Variants in KIF1A observed in about 807,000 individuals in gnomAD.
The protein encoded by KIF1A is kinesin family member 1A, also known as kinesin-like protein KIF1A.
KIF1A carries 46 observed loss-of-function variants against 227.3 expected under a neutral mutation model. The observed-to-expected ratio is 0.20, with a 90% CI of 0.16 to 0.26. The LOEUF is 0.26. KIF1A is among the 10% of genes least tolerant of loss of function. The probability of loss-of-function intolerance (pLI) is 1.00; values close to 1 mark genes in which losing one functional copy is unlikely to be tolerated. For missense variants in KIF1A, 1,683 were observed against 2,485.9 expected, an observed-to-expected ratio of 0.68 and a Z score of 6.87; for synonymous variants, 1,022 against 1,012.8, an observed-to-expected ratio of 1.01 and a Z score of -0.17.
chr2:240,796,457 T>A (rs2056413772), intron 2 of KIF1A, among the ~76,000 whole-genome samples: 1 of 152,100 alleles, frequency 6.6e-6, no homozygotes, highest in African/African-American at 2.4e-5. Flanking sequence ...CGAACGCACC[T>A]TTGTCAGCTT....
rs975700815 is a variant in KIF1A at position 240,815,214 on chromosome 2, C to A, written c.-61+4908G>T. ...CACAGCAGCTCCTCAGGAGCCACAC[C>A]GACCCATGACCTTGAGCATTGACTG... is the stretch of plus-strand genomic sequence containing the variant. On this transcript the variant is annotated intron_variant, in intron 1 of 48. Coordinates refer to ENST00000498729, the MANE Select transcript of KIF1A (RefSeq NM_001244008.2). Among the ~76,000 whole-genome samples the A allele has an allele frequency of 4.8e-4, 73 of 152,154 alleles. 1 individual carries two copies. Among genetic ancestry groups the A allele is most frequent in the Admixed American group, 4.8e-3 (73 of 15,282 alleles).
intron 40 of KIF1A, chr2:240,724,943 G>GGC (rs2045832020): frequency 2.7e-5 from 5 of 186,696 alleles, no homozygotes; most frequent in Non-Finnish European, 5.4e-5. Context: ...GCGGGGGGGG[G>GGC]GGGGGGGGAA....
At chr2:240,807,117 T>TAG in intron 1 of KIF1A, among the ~76,000 whole-genome samples, 1 of 101,784 alleles carries the variant, frequency 9.8e-6, no homozygotes, top group African/African-American at 4.7e-5. Flanking sequence ...TGTGTGTGTG[T>TAG]GTGTGTGTGT....
chr2:240,737,394 A>G (rs1157623426), intron 37 of KIF1A: 1 of 473,342 alleles, frequency 2.1e-6, no homozygotes, highest in Non-Finnish European at 3.9e-6. Context: ...TCTCTCGGCC[A>G]CAGTGAACAC....
chr2:240,737,186 G>C lies in KIF1A; in HGVS notation c.3902-18C>G. 6.2e-7 allele frequency: 1 copy of C among 1,607,352 alleles called. No individual in the cohort carries two copies. Among genetic ancestry groups the C allele is most frequent in the Non-Finnish European group, 8.5e-7 (1 of 1,174,048 alleles). Reference sequence around the variant, plus strand: ...GATGCGGCCTGCAGAAAAGGCAACGGGCCACAGGTCACTTCCCAGGGGGCA... The same window carrying C: ...GATGCGGCCTGCAGAAAAGGCAACGCGCCACAGGTCACTTCCCAGGGGGCA... On this transcript the variant is annotated intron_variant, in intron 37 of 48. Transcript: ENST00000498729.
chr2:240,820,461 C>A (rs1197960130), upstream of KIF1A, among the ~76,000 whole-genome samples: 1 of 151,278 alleles, frequency 6.6e-6, no homozygotes, highest in African/African-American at 2.4e-5. The surrounding 1 kb of genome is among the most constrained non-coding windows in gnomAD (Gnocchi z 6.2). Flanking sequence ...GGGACCGACA[C>A]CCGGCTCGGA....
At chr2:240,799,890 G>A (rs1463208599) in intron 1 of KIF1A, among the ~76,000 whole-genome samples, 2 of 152,158 alleles carry the variant, frequency 1.3e-5, no homozygotes, top group Admixed American at 1.3e-4. Flanking sequence ...AAAATTTCCA[G>A]TTCTCCCCAA....
chr2:240,719,233 G>C, intron 46 of KIF1A, 35 bp from the exon 47 acceptor site: 2 of 1,576,916 alleles, frequency 1.3e-6, no homozygotes, highest in Non-Finnish European at 8.6e-7. Flanking sequence ...TGGGGCCCTC[G>C]GTGGGGGCAG....
intron 41 of KIF1A, 102 bp from the exon 42 acceptor site, chr2:240,723,660 G>T: frequency 7.5e-7 from 1 of 1,327,918 alleles, no homozygotes; most frequent in South Asian, 1.5e-5. Flanking sequence ...CCCCTCTGGA[G>T]TGGAGATGGG....
chr2:240,722,807 T>A, intron 42 of KIF1A, 151 bp from the exon 43 acceptor site: 1 of 634,118 alleles, frequency 1.6e-6, no homozygotes. Flanking sequence ...CCCTCAGCTG[T>A]GAAATGAGGG....
chr2:240,769,225 G>A lies in KIF1A; in HGVS notation c.1422-17C>T. ...AGGGCTTCCCTGGGGGAACAGAGCT[G>A]AGGTCAGCACAAGCTCCACAAGGCT... On this transcript the variant is annotated splice_polypyrimidine_tract_variant and intron_variant, in intron 16 of 48. Transcript: ENST00000498729. 1 of 1,600,192 alleles carries A rather than the reference G, an allele frequency of 6.2e-7. No homozygotes were observed. Among genetic ancestry groups the A allele is most frequent in the Non-Finnish European group, 8.5e-7 (1 of 1,173,720 alleles).
At position 240,725,442 on chromosome 2, in the gene KIF1A, C is replaced by G. The variant is rs745853492; in HGVS notation, c.4123-38G>C. 2 of 1,604,308 alleles carry G rather than the reference C, an allele frequency of 1.2e-6. No individual in the cohort carries two copies. Among genetic ancestry groups the G allele is most frequent in the African/African-American group, 1.3e-5 (1 of 74,852 alleles). ...GGAGCAGGACTCAGGCACAAGGACA[C>G]CCCGAGTGCCCAGGTGCCCTTCCAG... On this transcript the variant is annotated intron_variant, in intron 39 of 48. Transcript: ENST00000498729. This position sits in a 1 kb window ranked among gnomAD's most constrained non-coding sequence, Gnocchi z 5.8.
chr2:240,816,799 G>C (rs1026826088), intron 1 of KIF1A, among the ~76,000 whole-genome samples: 1 of 152,202 alleles, frequency 6.6e-6, no homozygotes, highest in African/African-American at 2.4e-5. Flanking sequence ...GGAGGCCAAA[G>C]CTGGCAGGAT....
At position 240,740,692 on chromosome 2, in the gene KIF1A, C is replaced by T. The variant is rs1335161180; in HGVS notation, c.3750-328G>A. ...CCCTCATGCCCTGCAGATCCGCAAC[C>T]CAAGGCCAGAGGATCCAGAGGAAAT... On this transcript the variant is annotated intron_variant, in intron 35 of 48. Coordinates refer to ENST00000498729, the MANE Select transcript of KIF1A (RefSeq NM_001244008.2). The surrounding 1 kb of genome is among the most constrained non-coding windows in gnomAD (Gnocchi z 6.1). Among the ~76,000 whole-genome samples the T allele has an allele frequency of 6.6e-6, 1 of 151,964 alleles. No homozygotes were observed. Among genetic ancestry groups the T allele is most frequent in the Non-Finnish European group, 1.5e-5 (1 of 67,980 alleles).
At chr2:240,717,549 G>C (rs2044706746) in intron 48 of KIF1A, 143 bp from the exon 49 acceptor site, 1 of 727,108 alleles carries the variant, frequency 1.4e-6, no homozygotes, top group Non-Finnish European at 2.3e-6. Context: ...CTGGGGAAGG[G>C]ACTGAATCTC....
At chr2:240,804,766 A>T (rs2057241732) in intron 1 of KIF1A, among the ~76,000 whole-genome samples, 1 of 152,082 alleles carries the variant, frequency 6.6e-6, no homozygotes, top group Admixed American at 6.5e-5. Flanking sequence ...AATTTACAAC[A>T]CCTGCATGAT....
intron 27 of KIF1A, among the ~76,000 whole-genome samples, chr2:240,750,904 C>T (rs1364849342): frequency 6.6e-6 from 1 of 152,204 alleles, no homozygotes; most frequent in Non-Finnish European, 1.5e-5. Context: ...CCACACTGCA[C>T]TGCCCCCCTT....
chr2:240,756,109 C>T (rs1010202082), intron 27 of KIF1A, among the ~76,000 whole-genome samples: 2 of 152,148 alleles, frequency 1.3e-5, no homozygotes, highest in African/African-American at 4.8e-5. Context: ...GAGGGTGAGG[C>T]TTTCCTTCCA....
intron 30 of KIF1A, 58 bp downstream of exon 30, chr2:240,745,981 C>T: frequency 1.3e-6 from 2 of 1,596,324 alleles, no homozygotes; most frequent in South Asian, 2.3e-5. Flanking sequence ...CTGGGCCGGG[C>T]TCAGGAACCA....
Sources: allele counts gnomAD v4.1 joint callset (sites outside exome capture counted in the v4.1 genomes callset), GRCh38; gene constraint gnomAD v4.1.1; non-coding constraint Gnocchi (gnomAD v3.1); transcripts MANE v1.5; gene names NCBI Gene and HGNC (gene_info 2026-07-23, HGNC 2026-07-21).